Variants in CCDC69 observed in about 807,000 individuals in gnomAD.
CCDC69 encodes the protein coiled-coil domain containing 69.
CCDC69 carries 38 observed loss-of-function variants against 40.3 expected under a neutral mutation model. The observed-to-expected ratio is 0.94, with a 90% CI of 0.73 to 1.24. The LOEUF (loss-of-function observed/expected upper bound fraction) is 1.24. Among genes scored for constraint, CCDC69 ranks in the 50% most tolerant of loss-of-function variants. The pLI, the probability that CCDC69 is intolerant of heterozygous loss-of-function variation, is 0.00. For missense variants in CCDC69, 389 were observed against 357.9 expected (o/e 1.09, Z -0.70); for synonymous variants, 141 against 138.9 (o/e 1.02, Z -0.11).
chr5:151,186,201 G>A, intron 5 of CCDC69, 77 bp from the exon 6 acceptor site: 1 of 1,000,690 alleles, frequency 1.0e-6, no homozygotes, highest in Non-Finnish European at 1.6e-6. Context: ...ACATCCCAGA[G>A]GGAGAACGGT....
chr5:151,219,680 A>G (rs974501073), intron 1 of CCDC69, among the ~76,000 whole-genome samples: 1 of 152,212 alleles, frequency 6.6e-6, no homozygotes, highest in South Asian at 2.1e-4. Context: ...AAAATGGTAC[A>G]AAGAATGACA....
chr5:151,183,229 A>G lies in CCDC69; in HGVS notation c.*208T>C, dbSNP rs922187905. On this transcript the variant is annotated 3_prime_UTR_variant, in exon 9 of 9. Transcript: ENST00000355417. ...TTATTCCCTTGGCCAACTCAAGGGA[A>G]GACGCTTCTCGGGGCCTCCAAAACC... is the stretch of plus-strand genomic sequence containing the variant. 3 of 701,376 alleles carry G rather than the reference A, an allele frequency of 4.3e-6. No individual in the cohort carries two copies. The African/African-American group carries it at 5.3e-5, about 12-fold the overall frequency. 43.4% of individuals were successfully genotyped at this position (701,376 alleles called of 1,614,324 possible). A position where few individuals can be genotyped will look rare whatever the true frequency, so the allele number is the denominator to read the frequency against.
intron 4 of CCDC69, among the ~76,000 whole-genome samples, chr5:151,194,393 T>G (rs1752664832): frequency 6.6e-6 from 1 of 152,242 alleles, no homozygotes. Flanking sequence ...GGCATCGTGA[T>G]GCATGAAGGA....
intron 1 of CCDC69, chr5:151,212,108 C>T (rs1024566706): frequency 6.6e-6 from 1 of 152,052 alleles, no homozygotes; most frequent in Non-Finnish European, 1.5e-5. Context: ...CCGGACTACA[C>T]TCTGGAAGAG....
At chr5:151,194,315 T>C (rs1284382225) in intron 4 of CCDC69, among the ~76,000 whole-genome samples, 4 of 152,192 alleles carry the variant, frequency 2.6e-5, no homozygotes, top group African/African-American at 9.7e-5. Context: ...GAGTAAACAA[T>C]GGAATATAAC....
chr5:151,201,898 G>A (rs1026103687), intron 2 of CCDC69, among the ~76,000 whole-genome samples: 4 of 150,968 alleles, frequency 2.6e-5, no homozygotes, highest in African/African-American at 7.3e-5. Context: ...TAAGCCAATG[G>A]TCTCATTTTG....
chr5:151,200,916 T>G (rs115101655), intron 3 of CCDC69, among the ~76,000 whole-genome samples: 1,714 of 152,334 alleles, frequency 0.011, 33 homozygotes, highest in African/African-American at 0.04. Context: ...GCACTTATAT[T>G]TGCAGTAAGT....
chr5:151,188,713 A>G (rs11750458), intron 4 of CCDC69, among the ~76,000 whole-genome samples: 28,758 of 151,832 alleles, frequency 0.19, 3,553 homozygotes, highest in Admixed American at 0.35. Context: ...ATATCAATTT[A>G]TCATATAAAA....
chr5:151,205,185 C>T (rs888803028), intron 2 of CCDC69, among the ~76,000 whole-genome samples: 8 of 152,092 alleles, frequency 5.3e-5, no homozygotes, highest in African/African-American at 1.4e-4. Flanking sequence ...TTTCCAGAAA[C>T]ATATATAGCA....
Position 151,212,392 on chromosome 5 carries a change from T to G in CCDC69, c.49-6917A>C, listed in dbSNP as rs578135232. On this transcript the variant is annotated intron_variant, in intron 1 of 8. Coordinates refer to ENST00000355417, the MANE Select transcript of CCDC69 (RefSeq NM_015621.3). ...TGGAAATAGAGCCCCTATACCCAGGTGACACTCACAGCTTTGGGGCCTAGA... is the reference window on the plus strand; with the variant it reads ...TGGAAATAGAGCCCCTATACCCAGGGGACACTCACAGCTTTGGGGCCTAGA... The G allele has an allele frequency of 2.8e-5, 5 of 176,976 alleles. No individual in the cohort carries two copies. In the South Asian group the frequency reaches 5.9e-4, roughly 21 times the overall value. 11.0% of individuals were successfully genotyped at this position (176,976 alleles called of 1,614,324 possible).
Position 151,185,496 on chromosome 5 carries a change from A to T in CCDC69, c.541T>A (p.Leu181Ile), listed in dbSNP as rs774903995. ...SQFWEQELES[L>I]HFVIEMKNER... is the part of the protein sequence containing the mutation. ...TTCTTCATCTCGATGACAAAGTGTA[A>T]GCTCTCCAGCTCCTGCTCCCAGAAC... is the stretch of plus-strand genomic sequence containing the variant. Residue 181 changes from leucine (L) to isoleucine (I), a missense_variant, in exon 7 of 9, where the codon TTA becomes ATA. By Grantham distance (5) the Leu-to-Ile change is conservative. Transcript: ENST00000355417. The T allele has an allele frequency of 3.7e-6, 6 of 1,614,068 alleles. No homozygotes were observed. The highest frequency in any genetic ancestry group is 4.2e-6 in the Non-Finnish European group (5 of 1,179,966).
intron 1 of CCDC69, among the ~76,000 whole-genome samples, chr5:151,206,084 G>A (rs1417847054): frequency 1.3e-5 from 2 of 152,158 alleles, no homozygotes; most frequent in African/African-American, 2.4e-5. Context: ...CAGAACTTTT[G>A]ACAGATGGGC....
At chr5:151,215,984 A>G (rs1015249440) in intron 1 of CCDC69, among the ~76,000 whole-genome samples, 2 of 152,162 alleles carry the variant, frequency 1.3e-5, no homozygotes, top group African/African-American at 4.8e-5. Context: ...AAACTAAACT[A>G]TTTCTTTTCT....
At chr5:151,221,289 G>A (rs932619544) in intron 1 of CCDC69, among the ~76,000 whole-genome samples, 3 of 152,128 alleles carry the variant, frequency 2.0e-5, no homozygotes, top group African/African-American at 7.2e-5. Flanking sequence ...CTCATTCCTT[G>A]CTGCCTGCCA....
chr5:151,186,887 C>T (rs73796624), intron 5 of CCDC69, among the ~76,000 whole-genome samples: 1,813 of 152,306 alleles, frequency 0.012, 37 homozygotes, highest in African/African-American at 0.04. Flanking sequence ...GGACATCTTT[C>T]GGTTCCTCAG....
At chr5:151,200,815 C>T (rs1017604744) in intron 3 of CCDC69, among the ~76,000 whole-genome samples, 4 of 152,162 alleles carry the variant, frequency 2.6e-5, no homozygotes, top group South Asian at 2.1e-4. Flanking sequence ...TTAAAGCCTC[C>T]GTGTCATCCC....
intron 1 of CCDC69, among the ~76,000 whole-genome samples, chr5:151,219,744 T>C (rs1221180778): frequency 6.6e-6 from 1 of 152,162 alleles, no homozygotes; most frequent in Non-Finnish European, 1.5e-5. Flanking sequence ...GATTTTTTAA[T>C]TTCTTATACT....
At chr5:151,200,779 C>T (rs1752764807) in intron 3 of CCDC69, among the ~76,000 whole-genome samples, 1 of 152,162 alleles carries the variant, frequency 6.6e-6, no homozygotes, top group South Asian at 2.1e-4. Context: ...TGTAGAATGT[C>T]CCTCAATTTT....
intron 1 of CCDC69, 93 bp from the exon 2 acceptor site, chr5:151,205,568 G>T: frequency 9.5e-7 from 1 of 1,053,206 alleles, no homozygotes; most frequent in Non-Finnish European, 1.5e-6. Flanking sequence ...CAAAGGCAAG[G>T]CAGGACCTTC....
Sources: gnomAD v4.1 joint callset for allele counts (sites outside exome capture counted in the v4.1 genomes callset) on GRCh38, gnomAD v4.1.1 for gene constraint, MANE v1.5 for transcripts, NCBI Gene and HGNC (gene_info 2026-07-23, HGNC 2026-07-21) for gene names.